ANO2: variants seen among roughly 807,000 people sequenced by gnomAD.
The protein encoded by ANO2 is anoctamin 2, also known as anoctamin-2.
In ANO2, 101 loss-of-function variants were observed where a neutral mutation model predicts 124.2. That is an observed-to-expected ratio of 0.81 (90% CI 0.69 to 0.96). The LOEUF (loss-of-function observed/expected upper bound fraction) is 0.96. Among genes scored for constraint, ANO2 ranks in the 40% least tolerant of loss-of-function variants. The pLI, the probability that ANO2 is intolerant of heterozygous loss-of-function variation, is 0.00. For missense variants in ANO2, 1,293 were observed against 1,274.5 expected, an observed-to-expected ratio of 1.01 and a Z score of -0.22; for synonymous variants, 486 against 482.5, an observed-to-expected ratio of 1.01 and a Z score of -0.09.
At chr12:5,921,454 G>C (rs1257730135) in intron 2 of ANO2, 88 bp from the exon 3 acceptor site, 5 of 1,342,844 alleles carry the variant, frequency 3.7e-6, no homozygotes, top group South Asian at 1.4e-5. Flanking sequence ...TGGGCTCAGG[G>C]AAACGGACTC....
rs1951412613 is a variant in ANO2 at position 5,750,860 on chromosome 12, G to A, written c.1166C>T (p.Ala389Val). ...IGVIVFLYGCATIEEDIPSRE... is the reference protein window; with the variant it reads ...IGVIVFLYGCVTIEEDIPSRE... ...CCTGGGAATATCTTCTTCAATTGTT[G>A]CACATCCATAAAGAAACACAATCAC... Residue 389 changes from alanine (A) to valine (V), a missense_variant, in exon 11 of 25, where the codon GCA (alanine) becomes GTA (valine). Physicochemically the swap from Ala to Val is moderately conservative, Grantham distance 64 (BLOSUM62 0). Coordinates refer to ENST00000682330, the MANE Select transcript of ANO2 (RefSeq NM_001364791.2). The A allele has an allele frequency of 6.2e-7, 1 of 1,612,590 alleles. No homozygotes were observed. Among genetic ancestry groups the A allele is most frequent in the Non-Finnish European group, 8.5e-7 (1 of 1,179,336 alleles).
chr12:5,752,646 T>C (rs572225294), intron 10 of ANO2, among the ~76,000 whole-genome samples: 39 of 151,886 alleles, frequency 2.6e-4, no homozygotes, highest in Non-Finnish European at 3.8e-4. Context: ...AGATATATGG[T>C]TTGCAAATAT....
Position 5,921,378 on chromosome 12 carries a change from G to A in ANO2, c.208-12C>T, listed in dbSNP as rs756234737. 9 of 1,610,732 alleles carry A rather than the reference G, an allele frequency of 5.6e-6. No individual in the cohort carries two copies. The highest frequency in any genetic ancestry group is 2.7e-5 in the African/African-American group (2 of 74,892). The stretch of plus-strand genomic sequence containing the variant: ...TAGTTGTTGATGACCTGGCCAGAGA[G>A]AGAGGAGAGGCAGGGCAAGGTCTGG... On this transcript the variant is annotated splice_polypyrimidine_tract_variant and intron_variant, in intron 2 of 24. Coordinates refer to ENST00000682330, the MANE Select transcript of ANO2 (RefSeq NM_001364791.2).
intron 14 of ANO2, among the ~76,000 whole-genome samples, chr12:5,667,420 G>C (rs2136982076): frequency 6.6e-6 from 1 of 152,014 alleles, no homozygotes; most frequent in Admixed American, 6.6e-5. Context: ...ACCTAATGAA[G>C]ACTCCTAGTT....
chr12:5,748,056 G>A (rs533595770), intron 11 of ANO2, among the ~76,000 whole-genome samples: 1 of 152,282 alleles, frequency 6.6e-6, no homozygotes, highest in South Asian at 2.1e-4. Context: ...GCACGTGCAT[G>A]AGTGTGTGTG....
At chr12:5,733,111 G>C in intron 13 of ANO2, 1 of 595,236 alleles carries the variant, frequency 1.7e-6, no homozygotes, top group Non-Finnish European at 3.0e-6. Context: ...CTCCTTCCCT[G>C]CTCCATTATT....
intron 10 of ANO2, among the ~76,000 whole-genome samples, chr12:5,761,058 C>CAAA (rs34278479): frequency 3.4e-4 from 41 of 120,928 alleles, no homozygotes; most frequent in Admixed American, 5.9e-4. Flanking sequence ...ACCCCCACAG[C>CAAA]AAAAAAAAAA....
intron 7 of ANO2, among the ~76,000 whole-genome samples, chr12:5,821,190 GA>G (rs1407203582): frequency 6.6e-6 from 1 of 152,128 alleles, no homozygotes; most frequent in African/African-American, 2.4e-5. Flanking sequence ...CAGGGGATGG[GA>G]AAAAAATCTG....
intron 4 of ANO2, among the ~76,000 whole-genome samples, chr12:5,842,414 G>A (rs957650332): frequency 6.6e-6 from 1 of 152,140 alleles, no homozygotes; most frequent in Non-Finnish European, 1.5e-5. Context: ...TTTAGCAAAG[G>A]ACGCAGATCA....
intron 19 of ANO2, among the ~76,000 whole-genome samples, chr12:5,606,573 T>G (rs1181040851): frequency 6.6e-6 from 1 of 152,178 alleles, no homozygotes; most frequent in African/African-American, 2.4e-5. Context: ...ATGTGAGGAT[T>G]TTAATTAAAA....
chr12:5,682,336 T>TC (rs1491565156), intron 14 of ANO2, among the ~76,000 whole-genome samples: 12 of 116,180 alleles, frequency 1.0e-4, no homozygotes, highest in African/African-American at 3.4e-4. Flanking sequence ...TCTCTTTCTC[T>TC]TTCTCTCTCT....
chr12:5,563,713 T>C lies in ANO2; in HGVS notation c.2728-145A>G, dbSNP rs1335476114. 7.3e-6 allele frequency: 8 copies of C among 1,103,224 alleles called. No individual in the cohort carries two copies. The African/African-American group carries it at 9.4e-5, about 13-fold the overall frequency. The allele number at this position is 1,103,224 out of a possible 1,614,324, so 68.3% of individuals were successfully genotyped here. ...GCAACCAGTGAGCATAACTCTACCT[T>C]GGTGTCCTCACCCATAAAATGGAGC... On this transcript the variant is annotated intron_variant, in intron 24 of 24. Coordinates refer to ENST00000682330, the MANE Select transcript of ANO2 (RefSeq NM_001364791.2).
chr12:5,945,178 T>C lies in ANO2; in HGVS notation c.22+18A>G. ...CCACCTGTAGGAGACCAGGACCAGG[T>C]CCAGCCGGAAAACTCACCGCGCGGC... On this transcript the variant is annotated intron_variant, in intron 1 of 24. Transcript: ENST00000682330. The C allele has an allele frequency of 1.6e-6, 2 of 1,288,440 alleles. No homozygotes were observed. The highest frequency in any genetic ancestry group is 2.0e-6 in the Non-Finnish European group (2 of 988,134). 79.8% of individuals were successfully genotyped at this position (1,288,440 alleles called of 1,614,324 possible).
At chr12:5,607,270 A>T (rs1416302423) in intron 19 of ANO2, among the ~76,000 whole-genome samples, 1 of 152,130 alleles carries the variant, frequency 6.6e-6, no homozygotes, top group Non-Finnish European at 1.5e-5. Context: ...ATCACCGTTA[A>T]ACACAAAAGC....
At chr12:5,574,679 G>C (rs887280328) in intron 23 of ANO2, among the ~76,000 whole-genome samples, 9 of 152,164 alleles carry the variant, frequency 5.9e-5, no homozygotes, top group Non-Finnish European at 1.2e-4. Context: ...GCCCAGCACA[G>C]TTCATGTCTA....
intron 14 of ANO2, among the ~76,000 whole-genome samples, chr12:5,726,583 A>G (rs1173900283): frequency 6.6e-6 from 1 of 152,222 alleles, no homozygotes; most frequent in East Asian, 1.9e-4. Flanking sequence ...GTTCCCCTAT[A>G]GACCTCAGTC....
chr12:5,887,773 T>A (rs1939040273), intron 3 of ANO2, among the ~76,000 whole-genome samples: 1 of 152,276 alleles, frequency 6.6e-6, no homozygotes, highest in East Asian at 1.9e-4. Context: ...TTACAAGCGT[T>A]ATCCTCTGTG....
intron 14 of ANO2, among the ~76,000 whole-genome samples, chr12:5,710,358 C>A (rs1477974952): frequency 2.0e-5 from 3 of 152,196 alleles, no homozygotes; most frequent in Non-Finnish European, 4.4e-5. Context: ...AACACTTAAG[C>A]CTCTTGTAAA....
At chr12:5,702,943 A>G (rs1949465281) in intron 14 of ANO2, among the ~76,000 whole-genome samples, 1 of 152,230 alleles carries the variant, frequency 6.6e-6, no homozygotes, top group Admixed American at 6.5e-5. Flanking sequence ...ATTATTTTAG[A>G]GAATAATTTG....
Sources: gnomAD v4.1 joint callset for allele counts (sites outside exome capture counted in the v4.1 genomes callset) on GRCh38, gnomAD v4.1.1 for gene constraint, MANE v1.5 for transcripts, NCBI Gene and HGNC (gene_info 2026-07-23, HGNC 2026-07-21) for gene names.